The following RALA variants were observed in gnomAD, a reference collection of about 807,000 sequenced individuals.
The protein encoded by RALA is ras-related protein Ral-A.
Under a neutral mutation model 24.0 loss-of-function variants are expected in RALA, and 5 were observed. The ratio of observed to expected loss-of-function variants is 0.21; its 90% CI spans 0.11 to 0.44. The LOEUF (loss-of-function observed/expected upper bound fraction) is 0.44. Ranked by LOEUF, RALA falls within the 20% of genes least tolerant of loss-of-function variation. The pLI, the probability that RALA is intolerant of heterozygous loss-of-function variation, is 0.99. For missense variants in RALA, 95 were observed against 241.2 expected (o/e 0.39, Z 4.01); for synonymous variants, 77 against 83.8 (o/e 0.92, Z 0.44).
intron 1 of RALA, among the ~76,000 whole-genome samples, chr7:39,644,395 G>A (rs112317332): frequency 6.6e-6 from 1 of 152,072 alleles, no homozygotes; most frequent in Non-Finnish European, 1.5e-5. Context: ...ACTTCCCTTC[G>A]TGTCTTAGCA....
At chr7:39,669,456 G>A (rs550923150) in intron 1 of RALA, among the ~76,000 whole-genome samples, 2 of 152,320 alleles carry the variant, frequency 1.3e-5, no homozygotes, top group South Asian at 4.1e-4. Context: ...GTGTTAAAGA[G>A]TGGGATTTAA....
intron 3 of RALA, among the ~76,000 whole-genome samples, chr7:39,691,973 G>A (rs1043186648): frequency 9.2e-5 from 14 of 152,148 alleles, no homozygotes; most frequent in African/African-American, 3.4e-4. Flanking sequence ...GTATTTTCAT[G>A]CAAGAATCTT....
At chr7:39,662,030 G>A (rs1309904732) in intron 1 of RALA, among the ~76,000 whole-genome samples, 1 of 152,222 alleles carries the variant, frequency 6.6e-6, no homozygotes, top group Non-Finnish European at 1.5e-5. Flanking sequence ...CTTGGGGCTT[G>A]CACCTTCTGA....
At chr7:39,638,022 C>T (rs1391874738) in intron 1 of RALA, among the ~76,000 whole-genome samples, 1 of 152,192 alleles carries the variant, frequency 6.6e-6, no homozygotes, top group African/African-American at 2.4e-5. Context: ...ATAACATCCT[C>T]TAATATCTAA....
At chr7:39,677,304 G>A (rs1792504100) in intron 1 of RALA, among the ~76,000 whole-genome samples, 1 of 151,616 alleles carries the variant, frequency 6.6e-6, no homozygotes, top group African/African-American at 2.4e-5. Flanking sequence ...AATATGCGGT[G>A]TTTGGTTTTT....
chr7:39,687,928 T>C (rs1031769745), intron 2 of RALA, among the ~76,000 whole-genome samples: 3 of 152,162 alleles, frequency 2.0e-5, no homozygotes, highest in African/African-American at 7.2e-5. Flanking sequence ...CATGTCTTTA[T>C]CTCTTTTTTT....
intron 1 of RALA, among the ~76,000 whole-genome samples, chr7:39,643,843 A>C (rs1173318744): frequency 2.6e-5 from 4 of 152,170 alleles, no homozygotes; most frequent in Non-Finnish European, 5.9e-5. Flanking sequence ...TGGGTGACAA[A>C]GTTGAGACTT....
chr7:39,690,357 A>G, intron 2 of RALA, 25 bp from the exon 3 acceptor site: 1 of 1,558,434 alleles, frequency 6.4e-7, no homozygotes, highest in Non-Finnish European at 8.7e-7. Context: ...TAATTAAAAA[A>G]TTGGTGTGTT....
chr7:39,627,461 A>G (rs1222348342), intron 1 of RALA, among the ~76,000 whole-genome samples: 1 of 152,228 alleles, frequency 6.6e-6, no homozygotes, highest in African/African-American at 2.4e-5. Context: ...TAGTCTCCTT[A>G]AAGTCTGGGA....
At chr7:39,670,194 A>G (rs1318924177) in intron 1 of RALA, among the ~76,000 whole-genome samples, 1 of 152,232 alleles carries the variant, frequency 6.6e-6, no homozygotes, top group East Asian at 1.9e-4. Flanking sequence ...TGCCTAGGCC[A>G]AAGTACAGTT....
At chr7:39,698,028 G>A (rs1792954147) in intron 4 of RALA, among the ~76,000 whole-genome samples, 1 of 151,764 alleles carries the variant, frequency 6.6e-6, no homozygotes, top group South Asian at 2.1e-4. Context: ...TCACAGTTCT[G>A]GAGGCTGGCG....
intron 1 of RALA, among the ~76,000 whole-genome samples, chr7:39,671,284 T>G (rs1020709777): frequency 5.3e-5 from 8 of 152,196 alleles, no homozygotes; most frequent in Non-Finnish European, 1.2e-4. Context: ...TTTATAGCTT[T>G]CTTTCTTACT....
intron 3 of RALA, among the ~76,000 whole-genome samples, chr7:39,696,007 A>T (rs958052892): frequency 6.6e-6 from 1 of 152,206 alleles, no homozygotes; most frequent in Non-Finnish European, 1.5e-5. Context: ...AGGAAGGTAT[A>T]ATTGTTGGCT....
intron 1 of RALA, among the ~76,000 whole-genome samples, chr7:39,663,239 T>C (rs138622909): frequency 5.3e-5 from 8 of 152,278 alleles, no homozygotes; most frequent in African/African-American, 1.9e-4. Context: ...TGTAAACCAA[T>C]GTAAAGATTC....
chr7:39,628,433 G>A (rs867377522), intron 1 of RALA, among the ~76,000 whole-genome samples: 2 of 149,914 alleles, frequency 1.3e-5, no homozygotes, highest in South Asian at 4.2e-4. Flanking sequence ...TCTCTTAAAG[G>A]CCTTCTTCGT....
intron 1 of RALA, among the ~76,000 whole-genome samples, chr7:39,629,669 C>A (rs186407661): frequency 1.3e-5 from 2 of 152,186 alleles, no homozygotes; most frequent in Non-Finnish European, 2.9e-5. Context: ...CATCTCAGCT[C>A]ACTGCAACCT....
In RALA at chr7:39,630,630, G is replaced by A. The variant is rs1019901708; in HGVS notation, c.-38+6805G>A. Among the ~76,000 whole-genome samples, 5 of 151,858 alleles carry A rather than the reference G, an allele frequency of 3.3e-5. No individual in the cohort carries two copies. The East Asian group carries it at 9.6e-4, about 29-fold the overall frequency. ...AGAAATTCACACATGCTTTCTTCTG[G>A]TACTCATATAGTTTCATTTCTCACA... On this transcript the variant is annotated intron_variant, in intron 1 of 4. Coordinates refer to ENST00000005257, the MANE Select transcript of RALA (RefSeq NM_005402.4).
chr7:39,704,159 CAAAAAAAAAA>C (rs796540060), intron 4 of RALA, among the ~76,000 whole-genome samples: 7 of 116,982 alleles, frequency 6.0e-5, no homozygotes, highest in Admixed American at 9.0e-5. Flanking sequence ...GAGACTCTCT[CAAAAAAAAAA>C]AAAAAAAAAG....
intron 2 of RALA, among the ~76,000 whole-genome samples, chr7:39,688,707 G>A (rs1792756169): frequency 6.6e-6 from 1 of 151,854 alleles, no homozygotes; most frequent in Non-Finnish European, 1.5e-5. Context: ...CCAAGTAGCT[G>A]AGACTATAGG....
Sources: allele counts gnomAD v4.1 joint callset (sites outside exome capture counted in the v4.1 genomes callset), GRCh38; gene constraint gnomAD v4.1.1; transcripts MANE v1.5; gene names NCBI Gene and HGNC (gene_info 2026-07-23, HGNC 2026-07-21).